The following MCM9 variants were observed in gnomAD, a reference collection of about 807,000 sequenced individuals.
The protein encoded by MCM9 is minichromosome maintenance 9 homologous recombination repair factor.
Under a neutral mutation model 72.8 loss-of-function variants are expected in MCM9, and 55 were observed. The observed-to-expected ratio is 0.76, with a 90% CI of 0.61 to 0.95. The LOEUF (loss-of-function observed/expected upper bound fraction) is 0.95. Ranked by LOEUF, MCM9 falls within the 40% of genes least tolerant of loss-of-function variation. The pLI, the probability that MCM9 is intolerant of heterozygous loss-of-function variation, is 0.00. For synonymous variants in MCM9, 480 were observed against 503.4 expected (o/e 0.95, Z 0.62); for missense variants, 1,279 against 1,377.0 (o/e 0.93, Z 1.13).
intron 8 of MCM9, among the ~76,000 whole-genome samples, chr6:118,894,898 G>A (rs562227351): frequency 6.6e-6 from 1 of 152,292 alleles, no homozygotes; most frequent in Non-Finnish European, 1.5e-5. Context: ...GAGCACGGAG[G>A]CTGGGAAGGG....
intron 9 of MCM9, among the ~76,000 whole-genome samples, chr6:118,831,210 G>A (rs551457372): frequency 1.1e-4 from 17 of 152,036 alleles, no homozygotes; most frequent in Admixed American, 4.6e-4. Flanking sequence ...AAAAATAGCC[G>A]GCACGGTGGT....
At chr6:118,858,610 C>T (rs1776716227) in intron 8 of MCM9, among the ~76,000 whole-genome samples, 1 of 151,718 alleles carries the variant, frequency 6.6e-6, no homozygotes, top group South Asian at 2.1e-4. Context: ...ATAGAAAATC[C>T]CAAATAATCT....
At chr6:118,927,065 T>C (rs925981872) in intron 3 of MCM9, among the ~76,000 whole-genome samples, 1 of 152,224 alleles carries the variant, frequency 6.6e-6, no homozygotes, top group Non-Finnish European at 1.5e-5. Flanking sequence ...TTCTGAAATA[T>C]TCATTCTCTC....
At chr6:118,898,970 T>C (rs1166474637) in intron 8 of MCM9, among the ~76,000 whole-genome samples, 2 of 152,152 alleles carry the variant, frequency 1.3e-5, no homozygotes, top group African/African-American at 4.8e-5. Flanking sequence ...GTATCTCTGC[T>C]TAGAAGCAGA....
chr6:118,894,135 G>C, intron 8 of MCM9: 3 of 1,205,548 alleles, frequency 2.5e-6, no homozygotes, highest in South Asian at 2.4e-5. Flanking sequence ...CGAGGCCCTC[G>C]CTGGAGGAGG....
At chr6:118,909,999 C>T (rs941940735) in intron 8 of MCM9, among the ~76,000 whole-genome samples, 3 of 151,524 alleles carry the variant, frequency 2.0e-5, no homozygotes, top group East Asian at 1.9e-4. Context: ...CATCTGTAAT[C>T]CCAGTTACTC....
chr6:118,816,029 C>T lies in MCM9; in HGVS notation c.2227G>A (p.Asp743Asn). 1 of 1,550,528 alleles carries T rather than the reference C, an allele frequency of 6.4e-7. No homozygotes were observed. Among genetic ancestry groups the T allele is most frequent in the Middle Eastern group, 1.7e-4 (1 of 5,986 alleles). Residue 743 changes from aspartate to asparagine, a missense_variant, in exon 14 of 14, where the codon GAT becomes AAT. Physicochemically the swap from Asp to Asn is conservative, Grantham distance 23 (BLOSUM62 1). Transcript: ENST00000619706. ...TGAGTTGCCATGAAATCAAACCAAT[C>T]TAAACTGTCATCTCTGTTATTTTTG... The part of the protein sequence containing the change: ...QHKNNRDDSL[D>N]WFDFMATHQS...
At chr6:118,825,655 A>T (rs1453101751) in intron 13 of MCM9, among the ~76,000 whole-genome samples, 1 of 152,202 alleles carries the variant, frequency 6.6e-6, no homozygotes, top group Non-Finnish European at 1.5e-5. Context: ...AGAAGTCCAC[A>T]TATTTCGGGA....
chr6:118,850,164 C>T (rs922379569), intron 9 of MCM9, among the ~76,000 whole-genome samples: 2 of 151,866 alleles, frequency 1.3e-5, no homozygotes, highest in Non-Finnish European at 2.9e-5. Flanking sequence ...CAAAGAAAAG[C>T]ATTCAAACTA....
intron 8 of MCM9, chr6:118,893,940 T>G: frequency 1.1e-6 from 1 of 891,086 alleles, no homozygotes; most frequent in Non-Finnish European, 1.3e-6. Flanking sequence ...CAGCCACGCC[T>G]CCCCGCCGCG....
At chr6:118,833,704 C>T (rs1026537798) in intron 9 of MCM9, among the ~76,000 whole-genome samples, 14 of 152,056 alleles carry the variant, frequency 9.2e-5, no homozygotes, top group African/African-American at 3.4e-4. Flanking sequence ...TGTATGATTC[C>T]ACTTACCTGT....
At chr6:118,829,392 A>G (rs1482562701) in intron 9 of MCM9, 142 bp from the exon 10 acceptor site, 1 of 738,204 alleles carries the variant, frequency 1.4e-6, no homozygotes, top group African/African-American at 1.8e-5. Context: ...ACAGAAGGAG[A>G]TATCACAAAC....
Position 118,826,286 on chromosome 6 carries a change from C to A in MCM9, c.1822G>T (p.Ala608Ser). ...AGGGCATTCACACCTCCTAGCAGTG[C>A]ACCTCCCTGAAGGGGTGAGAAAATA... ...SVMESSMQGG[A>S]LLGGVNALHT... Residue 608 changes from alanine to serine, a missense_variant, in exon 13 of 14, where the codon GCA becomes TCA. By Grantham distance (99) the Ala-to-Ser change is moderately conservative (BLOSUM62 1). Coordinates refer to ENST00000619706, the MANE Select transcript of MCM9 (RefSeq NM_017696.3). The A allele has an allele frequency of 6.5e-7, 1 of 1,549,602 alleles. No homozygotes were observed. The highest frequency in any genetic ancestry group is 8.7e-7 in the Non-Finnish European group (1 of 1,146,492).
intron 8 of MCM9, among the ~76,000 whole-genome samples, chr6:118,901,248 C>G (rs925860612): frequency 7.2e-5 from 11 of 152,138 alleles, no homozygotes; most frequent in African/African-American, 2.2e-4. Context: ...TTCAAAATAT[C>G]TAAAACTAAC....
At chr6:118,903,497 C>T (rs1779945558) in intron 8 of MCM9, among the ~76,000 whole-genome samples, 1 of 151,746 alleles carries the variant, frequency 6.6e-6, no homozygotes, top group African/African-American at 2.4e-5. Context: ...AGCATAGCAT[C>T]TAGAAGAGAA....
intron 8 of MCM9, among the ~76,000 whole-genome samples, chr6:118,905,264 G>T (rs1033605136): frequency 3.3e-5 from 5 of 152,232 alleles, no homozygotes; most frequent in African/African-American, 1.2e-4. Context: ...AACAGTCTAT[G>T]AGGAGATCAT....
intron 8 of MCM9, among the ~76,000 whole-genome samples, chr6:118,863,198 C>A (rs548010327): frequency 6.6e-6 from 1 of 152,098 alleles, no homozygotes; most frequent in South Asian, 2.1e-4. Context: ...TTTAATTATG[C>A]TTATGTATAA....
rs1213745952 is a variant in MCM9, at chr6:118,856,474, C to T, written c.1222G>A (p.Ala408Thr). The change falls in exon 9 of 14, where the codon GCG (alanine) becomes ACG (threonine). Residue 408 changes from alanine to threonine, a missense_variant. Transcript: ENST00000619706. The part of the protein sequence containing the change: ...LEAGALVLAD[A>T]GLCCIDEFNS... ...AACTCATCAATACAGCAAAGGCCCG[C>T]ATCTGCAAGAACTAATGCCCCAGCC... 1 of 1,535,580 alleles carries T rather than the reference C, an allele frequency of 6.5e-7. No individual in the cohort carries two copies. Among genetic ancestry groups the T allele is most frequent in the African/African-American group, 1.4e-5 (1 of 73,052 alleles).
At chr6:118,860,548 A>G (rs1776836188) in intron 8 of MCM9, among the ~76,000 whole-genome samples, 1 of 152,222 alleles carries the variant, frequency 6.6e-6, no homozygotes, top group Non-Finnish European at 1.5e-5. Flanking sequence ...AGGTGAAGCA[A>G]TATTGTGTAA....
Sources: allele counts gnomAD v4.1 joint callset (sites outside exome capture counted in the v4.1 genomes callset), GRCh38; gene constraint gnomAD v4.1.1; transcripts MANE v1.5; gene names NCBI Gene and HGNC (gene_info 2026-07-23, HGNC 2026-07-21).